The following GRIK4 variants were observed in gnomAD, a reference collection of about 807,000 sequenced individuals.
The protein encoded by GRIK4 is glutamate ionotropic receptor kainate type subunit 4.
Under a neutral mutation model 104.9 loss-of-function variants are expected in GRIK4, and 40 were observed. That is an observed-to-expected ratio of 0.38 (90% confidence interval 0.30 to 0.50). GRIK4 has a LOEUF of 0.50. GRIK4 is among the 20% of genes least tolerant of loss of function. The pLI is 0.93. For synonymous variants in GRIK4, 485 were observed against 524.9 expected (o/e 0.92, Z 1.04); for missense variants, 1,047 against 1,308.1 (o/e 0.80, Z 3.08).
chr11:120,899,676 C>CTT (rs1205151259), intron 12 of GRIK4, among the ~76,000 whole-genome samples: 1 of 152,074 alleles, frequency 6.6e-6, no homozygotes, highest in Non-Finnish European at 1.5e-5. Flanking sequence ...CTCTGAAGAC[C>CTT]TTATGTTTAA....
chr11:120,728,010 T>G (rs1235694207), intron 3 of GRIK4, among the ~76,000 whole-genome samples: 1 of 152,098 alleles, frequency 6.6e-6, no homozygotes, highest in Non-Finnish European at 1.5e-5. Flanking sequence ...TCCTAAAAAT[T>G]ATAATTCAAA....
chr11:120,764,395 C>T (rs1019028210), intron 3 of GRIK4, among the ~76,000 whole-genome samples: 2 of 152,156 alleles, frequency 1.3e-5, no homozygotes, highest in African/African-American at 4.8e-5. Flanking sequence ...GACTCTTTAT[C>T]CAATTTGCCA....
intron 3 of GRIK4, among the ~76,000 whole-genome samples, chr11:120,700,657 C>T (rs1950537478): frequency 6.6e-6 from 1 of 152,130 alleles, no homozygotes; most frequent in South Asian, 2.1e-4. Flanking sequence ...CGGGGTTTCA[C>T]CATGTTAGCT....
chr11:120,659,608 C>T (rs539627487), intron 2 of GRIK4, among the ~76,000 whole-genome samples: 1 of 152,302 alleles, frequency 6.6e-6, no homozygotes, highest in Admixed American at 6.5e-5. Flanking sequence ...AACCCAGTTT[C>T]CTCTCACACC....
At chr11:120,699,439 G>A (rs1196222043) in intron 3 of GRIK4, among the ~76,000 whole-genome samples, 4 of 151,926 alleles carry the variant, frequency 2.6e-5, no homozygotes, top group African/African-American at 7.3e-5. Context: ...TTCCTGCTAC[G>A]GACCAGGTAC....
intron 3 of GRIK4, among the ~76,000 whole-genome samples, chr11:120,732,933 G>A (rs1250152580): frequency 1.3e-5 from 2 of 152,074 alleles, no homozygotes; most frequent in Non-Finnish European, 2.9e-5. Context: ...CTGAAAGTGG[G>A]GTGTTGAAAT....
At chr11:120,896,626 A>G (rs1942589448) in intron 11 of GRIK4, among the ~76,000 whole-genome samples, 1 of 152,190 alleles carries the variant, frequency 6.6e-6, no homozygotes, top group African/African-American at 2.4e-5. Context: ...CCTGCCATCC[A>G]CACTCTCCAC....
intron 8 of GRIK4, among the ~76,000 whole-genome samples, chr11:120,845,888 TC>T (rs1238484299): frequency 2.0e-5 from 3 of 152,232 alleles, no homozygotes; most frequent in Non-Finnish European, 4.4e-5. Context: ...GAGTGAAAGC[TC>T]CTTGTGTGTC....
At chr11:120,715,420 A>T (rs1176088980) in intron 3 of GRIK4, among the ~76,000 whole-genome samples, 2 of 152,182 alleles carry the variant, frequency 1.3e-5, no homozygotes, top group African/African-American at 4.8e-5. Flanking sequence ...AGTAAAACGA[A>T]ACAAAAGCAA....
In GRIK4 at chr11:120,985,924, G is replaced by A. The variant is rs981747144; in HGVS notation, c.2535G>A (p.Met845Ile). 1 of 1,551,630 alleles carries A rather than the reference G, an allele frequency of 6.4e-7. No individual in the cohort carries two copies. The highest frequency in any genetic ancestry group is 1.4e-5 in the African/African-American group (1 of 73,022). Residue 845 changes from methionine (M) to isoleucine (I), a missense_variant, in exon 21 of 21, where the codon ATG (methionine) becomes ATA (isoleucine). Physicochemically the swap from Met to Ile is conservative, Grantham distance 10 (BLOSUM62 1). This residue lies in a region of GRIK4 where 440 missense variants were observed against 652.3 expected (regional missense o/e 0.67). Transcript: ENST00000527524. ...EATEVSVCQE[M>I]VTELRSIILC... is the part of the protein sequence containing the mutation. Reference sequence around the variant, plus strand: ...TCCAGGTGTCCGTCTGCCAGGAGATGGTGACCGAGCTGCGCAGCATTATCC... The same window carrying A: ...TCCAGGTGTCCGTCTGCCAGGAGATAGTGACCGAGCTGCGCAGCATTATCC...
intron 1 of GRIK4, among the ~76,000 whole-genome samples, chr11:120,526,560 CA>C (rs1947859716): frequency 6.6e-6 from 1 of 152,214 alleles, no homozygotes; most frequent in East Asian, 1.9e-4. Context: ...AGGCCGGGCA[CA>C]GTGGCTCATG....
intron 1 of GRIK4, among the ~76,000 whole-genome samples, chr11:120,644,096 G>C (rs1949510597): frequency 6.6e-6 from 1 of 151,606 alleles, no homozygotes; most frequent in Non-Finnish European, 1.5e-5. Context: ...GTGTGTATGT[G>C]TGATTCTGTG....
At chr11:120,906,720 A>G (rs1349779442) in intron 13 of GRIK4, among the ~76,000 whole-genome samples, 1 of 152,216 alleles carries the variant, frequency 6.6e-6, no homozygotes, top group African/African-American at 2.4e-5. Context: ...TGTAGATGAG[A>G]ACTGTGGAAA....
Position 120,956,987 on chromosome 11 carries a change from TG to T in GRIK4, c.1874+38del. 1.3e-6 allele frequency: 2 copies of T among 1,541,678 alleles called. No individual in the cohort carries two copies. The highest frequency in any genetic ancestry group is 8.8e-7 in the Non-Finnish European group (1 of 1,142,212). ...CCAGGCAGAGGTGAACCAGGCCAGGTGGGGTGGGGACACAAAAGGGGCCCTC... is the reference window on the plus strand; with the variant it reads ...CCAGGCAGAGGTGAACCAGGCCAGGTGGGTGGGGACACAAAAGGGGCCCTC... On this transcript the variant is annotated intron_variant, in intron 16 of 20. Coordinates refer to ENST00000527524, the MANE Select transcript of GRIK4 (RefSeq NM_014619.5). This position sits in a 1 kb window ranked among gnomAD's most constrained non-coding sequence, Gnocchi z 4.6.
chr11:120,872,411 T>C (rs1954632697), intron 9 of GRIK4: 1 of 160,544 alleles, frequency 6.2e-6, no homozygotes, highest in Non-Finnish European at 1.4e-5. Flanking sequence ...CATCCAACCG[T>C]GGAGGGGCCG....
chr11:120,539,341 C>T (rs1198645620), intron 1 of GRIK4, among the ~76,000 whole-genome samples: 3 of 152,204 alleles, frequency 2.0e-5, no homozygotes, highest in Admixed American at 6.5e-5. Context: ...GAGGGTGAGC[C>T]GGGAGCATCT....
intron 3 of GRIK4, among the ~76,000 whole-genome samples, chr11:120,763,201 A>AT (rs1216678556): frequency 2.0e-5 from 3 of 151,748 alleles, no homozygotes; most frequent in Non-Finnish European, 4.4e-5. Context: ...GAATTTATCC[A>AT]TTTTTTTCTA....
chr11:120,678,470 T>C (rs918376652), intron 3 of GRIK4, among the ~76,000 whole-genome samples: 12 of 152,170 alleles, frequency 7.9e-5, no homozygotes, highest in African/African-American at 2.9e-4. Context: ...ATGCGGCTAA[T>C]AGCTGAACAT....
At chr11:120,699,875 A>C (rs74504274) in intron 3 of GRIK4, among the ~76,000 whole-genome samples, 3,436 of 152,304 alleles carry the variant, frequency 0.023, 105 homozygotes, top group African/African-American at 0.069. Context: ...AGTTTGTATC[A>C]GCAAGGGCCG....
Sources: allele counts gnomAD v4.1 joint callset (sites outside exome capture counted in the v4.1 genomes callset), GRCh38; gene constraint gnomAD v4.1.1; regional missense constraint gnomAD v4.1.1; non-coding constraint Gnocchi (gnomAD v3.1); transcripts MANE v1.5; gene names NCBI Gene and HGNC (gene_info 2026-07-23, HGNC 2026-07-21).